The following RFTN1 variants were observed in gnomAD, a reference collection of about 807,000 sequenced individuals.
The protein encoded by RFTN1 is raftlin.
Under a neutral mutation model 46.5 loss-of-function variants are expected in RFTN1, and 26 were observed. The ratio of observed to expected loss-of-function variants is 0.56; its 90% confidence interval spans 0.41 to 0.78. The LOEUF (loss-of-function observed/expected upper bound fraction) is 0.78. RFTN1 is among the 30% of genes least tolerant of loss of function. The pLI is 0.00. For synonymous variants in RFTN1, 261 were observed against 284.2 expected (o/e 0.92, Z 0.82); for missense variants, 693 against 718.7 (o/e 0.96, Z 0.41).
intron 1 of RFTN1, among the ~76,000 whole-genome samples, chr3:16,495,869 ACAATC>A (rs886536308): frequency 6.6e-6 from 1 of 152,264 alleles, no homozygotes; most frequent in African/African-American, 2.4e-5. Context: ...CCCCTTGGGA[ACAATC>A]TTTATAACTG....
rs2075649366 is a variant in RFTN1, at chr3:16,442,591, A to G, written c.146-8554T>C. Among the ~76,000 whole-genome samples, 1 of 152,154 alleles carries G rather than the reference A, an allele frequency of 6.6e-6. No homozygotes were observed. Among genetic ancestry groups the G allele is most frequent in the African/African-American group, 2.4e-5 (1 of 41,428 alleles). On this transcript the variant is annotated intron_variant, in intron 2 of 9. Transcript: ENST00000334133. This position sits in a 1 kb window ranked among gnomAD's most constrained non-coding sequence, Gnocchi z 4.1. ...TTAGTTTTCTTTTTTGTGCGTGGTA[A>G]GAGTACCTAAAATCTATTCCCTGAG...
intron 1 of RFTN1, among the ~76,000 whole-genome samples, chr3:16,508,599 A>G (rs1432907804): frequency 6.6e-6 from 1 of 152,186 alleles, no homozygotes; most frequent in Admixed American, 6.5e-5. Flanking sequence ...AAAACATGCA[A>G]TGCTAATAAT....
At chr3:16,461,384 T>A (rs536510802) in intron 2 of RFTN1, among the ~76,000 whole-genome samples, 33 of 152,370 alleles carry the variant, frequency 2.2e-4, no homozygotes, top group Middle Eastern at 6.8e-3. Flanking sequence ...CATTTTAAAA[T>A]ACTTTTTATA....
chr3:16,418,814 A>G lies in RFTN1; in HGVS notation c.333-9331T>C, dbSNP rs1477541799. On this transcript the variant is annotated intron_variant, in intron 3 of 9. Transcript: ENST00000334133. This position sits in a 1 kb window ranked among gnomAD's most constrained non-coding sequence, Gnocchi z 5.0. ...CTAATGACAATAAAAATCTCCACTT[A>G]TTCATTTGTCTATCCATCACCTGCT... 6.6e-6 allele frequency among the ~76,000 whole-genome samples: 1 copy of G among 152,140 alleles called. No individual in the cohort carries two copies. The highest frequency in any genetic ancestry group is 6.5e-5 in the Admixed American group (1 of 15,268).
At chr3:16,339,521 A>G (rs1196127047) in intron 7 of RFTN1, 1 of 152,134 alleles carries the variant, frequency 6.6e-6, no homozygotes, top group East Asian at 1.9e-4. Context: ...AGACAAATCC[A>G]CCAGAGCCAT....
At chr3:16,420,129 C>T (rs1018789752) in intron 3 of RFTN1, among the ~76,000 whole-genome samples, 13 of 152,144 alleles carry the variant, frequency 8.5e-5, no homozygotes, top group African/African-American at 3.1e-4. Flanking sequence ...CACTGTTAAC[C>T]GTAAAGACCA....
rs998257002 is a variant in RFTN1 at position 16,457,981 on chromosome 3, C to T, written c.146-23944G>A. 2.0e-5 allele frequency among the ~76,000 whole-genome samples: 3 copies of T among 152,108 alleles called. No individual in the cohort carries two copies. Among genetic ancestry groups the T allele is most frequent in the African/African-American group, 7.2e-5 (3 of 41,410 alleles). ...ACCATGTGAGGACACAGCATTCCAC[C>T]CCTCTGGAGGATGCAAAAACAAGTC... On this transcript the variant is annotated intron_variant, in intron 2 of 9. Coordinates refer to ENST00000334133, the MANE Select transcript of RFTN1 (RefSeq NM_015150.2). The surrounding 1 kb of genome is among the most constrained non-coding windows in gnomAD (Gnocchi z 4.2).
chr3:16,476,891 C>T (rs1345627064), intron 2 of RFTN1, among the ~76,000 whole-genome samples: 2 of 151,968 alleles, frequency 1.3e-5, no homozygotes, highest in South Asian at 2.1e-4. Context: ...GAATTACATC[C>T]CCCTGGGTTT....
chr3:16,390,687 G>C (rs1438492047), intron 4 of RFTN1, among the ~76,000 whole-genome samples: 1 of 152,182 alleles, frequency 6.6e-6, no homozygotes, highest in South Asian at 2.1e-4. Context: ...AGAGACTCCT[G>C]TGCTTGAAAC....
Position 16,337,759 on chromosome 3 carries a change from AAAAG to A in RFTN1, c.1147-10887_1147-10884del, listed in dbSNP as rs2071004121. ...CCATCTCAAAAAAAAAAAAAAAAAG[AAAAG>A]AAAGTCACCTCATTTGATTTGAGAG... On this transcript the variant is annotated intron_variant, in intron 7 of 9. Transcript: ENST00000334133. The surrounding 1 kb of genome is among the most constrained non-coding windows in gnomAD (Gnocchi z 5.0). 6.6e-6 allele frequency among the ~76,000 whole-genome samples: 1 copy of A among 150,400 alleles called. No individual in the cohort carries two copies. Among genetic ancestry groups the A allele is most frequent in the Non-Finnish European group, 1.5e-5 (1 of 67,644 alleles).
rs2074005262 is a variant in RFTN1 at position 16,381,857 on chromosome 3, G to A, written c.442-3755C>T. The stretch of plus-strand genomic sequence containing the variant: ...ATGGCCTTGGATCCATGCCCGCAAA[G>A]GCTCTCAGTTCACCCTGCAGGCCAG... On this transcript the variant is annotated intron_variant, in intron 4 of 9. Coordinates refer to ENST00000334133, the MANE Select transcript of RFTN1 (RefSeq NM_015150.2). The surrounding 1 kb of genome is among the most constrained non-coding windows in gnomAD (Gnocchi z 4.2). 6.6e-6 allele frequency among the ~76,000 whole-genome samples: 1 copy of A among 152,136 alleles called. No homozygotes were observed. The highest frequency in any genetic ancestry group is 2.1e-4 in the South Asian group (1 of 4,816).
chr3:16,410,506 T>C lies in RFTN1; in HGVS notation c.333-1023A>G, dbSNP rs1311342777. ...GAAAAGAATATATTCCTATATCACTTAGAAAATTAAAAATTAATTTTTAAA... is the reference window on the plus strand; with the variant it reads ...GAAAAGAATATATTCCTATATCACTCAGAAAATTAAAAATTAATTTTTAAA... On this transcript the variant is annotated intron_variant, in intron 3 of 9. Transcript: ENST00000334133. The surrounding 1 kb of genome is among the most constrained non-coding windows in gnomAD (Gnocchi z 4.6). Among the ~76,000 whole-genome samples, 1 of 152,152 alleles carries C rather than the reference T, an allele frequency of 6.6e-6. No individual in the cohort carries two copies. Among genetic ancestry groups the C allele is most frequent in the African/African-American group, 2.4e-5 (1 of 41,412 alleles).
In RFTN1 at chr3:16,356,219, C is replaced by G. The variant is rs191958706; in HGVS notation, c.1146+1713G>C. 6.6e-6 allele frequency among the ~76,000 whole-genome samples: 1 copy of G among 152,200 alleles called. No homozygotes were observed. Among genetic ancestry groups the G allele is most frequent in the East Asian group, 1.9e-4 (1 of 5,200 alleles). ...CACTCGCTTGGCATCTTGGACTGAG[C>G]TTTACTTCCTCTGCATCCCATTTCT... On this transcript the variant is annotated intron_variant, in intron 7 of 9. Transcript: ENST00000334133. This position sits in a 1 kb window ranked among gnomAD's most constrained non-coding sequence, Gnocchi z 4.9.
rs2076335667 is a variant in RFTN1, at chr3:16,479,740, G to A, written c.145+13985C>T. On this transcript the variant is annotated intron_variant, in intron 2 of 9. Coordinates refer to ENST00000334133, the MANE Select transcript of RFTN1 (RefSeq NM_015150.2). The surrounding 1 kb of genome is among the most constrained non-coding windows in gnomAD (Gnocchi z 5.1). ...TCACCCCCAGGAAGCTCGTTTGATT[G>A]AGGTACCTTTTCCAAGCTGCAGTTT... Among the ~76,000 whole-genome samples the A allele has an allele frequency of 6.6e-6, 1 of 152,200 alleles. No individual in the cohort carries two copies. Among genetic ancestry groups the A allele is most frequent in the African/African-American group, 2.4e-5 (1 of 41,438 alleles).
At position 16,387,924 on chromosome 3, in the gene RFTN1, C is replaced by T. The variant is rs1256617786; in HGVS notation, c.442-9822G>A. Among the ~76,000 whole-genome samples the T allele has an allele frequency of 2.0e-5, 3 of 152,228 alleles. No individual in the cohort carries two copies. The East Asian group carries it at 5.8e-4, about 29-fold the overall frequency. On this transcript the variant is annotated intron_variant, in intron 4 of 9. Coordinates refer to ENST00000334133, the MANE Select transcript of RFTN1 (RefSeq NM_015150.2). This position sits in a 1 kb window ranked among gnomAD's most constrained non-coding sequence, Gnocchi z 5.2. ...CCTTGGCCTCACCACCACCTTTCTGCTGGTTTTCTTCCTGCATGCTGGCCT... is the reference window on the plus strand; with the variant it reads ...CCTTGGCCTCACCACCACCTTTCTGTTGGTTTTCTTCCTGCATGCTGGCCT...
In RFTN1 at chr3:16,322,945, C is replaced by T. The variant is rs1413363911; in HGVS notation, c.1332+431G>A. On this transcript the variant is annotated intron_variant, in intron 9 of 9. Coordinates refer to ENST00000334133, the MANE Select transcript of RFTN1 (RefSeq NM_015150.2). The surrounding 1 kb of genome is among the most constrained non-coding windows in gnomAD (Gnocchi z 6.2). ...GGCAGGGTCTCTGCTTAGATCCCCA[C>T]ACTTTTAATGTCCTAAGGAATCTTA... is the stretch of plus-strand genomic sequence containing the variant. Among the ~76,000 whole-genome samples the T allele has an allele frequency of 6.6e-6, 1 of 152,178 alleles. No homozygotes were observed. Among genetic ancestry groups the T allele is most frequent in the Admixed American group, 6.5e-5 (1 of 15,280 alleles).
chr3:16,325,211 G>A (rs1189507971), intron 8 of RFTN1, among the ~76,000 whole-genome samples: 10 of 152,264 alleles, frequency 6.6e-5, no homozygotes, highest in African/African-American at 1.7e-4. Flanking sequence ...AATGCTCCAC[G>A]GAATCCAACT....
rs745979421 is a variant in RFTN1 at position 16,449,760 on chromosome 3, C to T, written c.146-15723G>A. On this transcript the variant is annotated intron_variant, in intron 2 of 9. Coordinates refer to ENST00000334133, the MANE Select transcript of RFTN1 (RefSeq NM_015150.2). The surrounding 1 kb of genome is among the most constrained non-coding windows in gnomAD (Gnocchi z 5.1). ...GAACATCAAGACTCAGAAAAATCAA[C>T]GAGACAAAAGCCATGCTGACAGACT... is the stretch of plus-strand genomic sequence containing the variant. Among the ~76,000 whole-genome samples, 20 of 152,172 alleles carry T rather than the reference C, an allele frequency of 1.3e-4. No individual in the cohort carries two copies. Among genetic ancestry groups the T allele is most frequent in the Admixed American group, 5.9e-4 (9 of 15,280 alleles).
chr3:16,330,268 G>A (rs913743690), intron 7 of RFTN1, among the ~76,000 whole-genome samples: 39 of 152,176 alleles, frequency 2.6e-4, no homozygotes, highest in African/African-American at 8.7e-4. Context: ...CTCCCACTCC[G>A]ACTATTTGGA....
Sources: allele counts gnomAD v4.1 joint callset (sites outside exome capture counted in the v4.1 genomes callset), GRCh38; gene constraint gnomAD v4.1.1; non-coding constraint Gnocchi (gnomAD v3.1); transcripts MANE v1.5; gene names NCBI Gene and HGNC (gene_info 2026-07-23, HGNC 2026-07-21).